FRS2: variants seen among roughly 807,000 people sequenced by gnomAD.
FRS2 encodes FGFR signalling adaptor.
In FRS2, 8 loss-of-function variants were observed where a neutral mutation model predicts 43.9. That is an observed-to-expected ratio of 0.18 (90% CI 0.11 to 0.33). The LOEUF is 0.33. Among genes scored for constraint, FRS2 ranks in the 10% least tolerant of loss-of-function variants. FRS2 has a pLI of 1.00. For synonymous variants in FRS2, 219 were observed against 220.3 expected, an observed-to-expected ratio of 0.99 and a Z score of 0.05; for missense variants, 534 against 627.6, an observed-to-expected ratio of 0.85 and a Z score of 1.59.
At chr12:69,517,982 T>A (rs1875226805) in intron 1 of FRS2, among the ~76,000 whole-genome samples, 2 of 152,200 alleles carry the variant, frequency 1.3e-5, no homozygotes, top group Non-Finnish European at 2.9e-5. Flanking sequence ...TATATTGCAT[T>A]TATATATAAA....
At chr12:69,529,526 A>G (rs1388767041) in intron 1 of FRS2, among the ~76,000 whole-genome samples, 2 of 151,810 alleles carry the variant, frequency 1.3e-5, no homozygotes, top group South Asian at 4.1e-4. Context: ...CGGGAGGCTA[A>G]GACAGAATCA....
At chr12:69,543,643 T>A (rs1441655204) in intron 3 of FRS2, among the ~76,000 whole-genome samples, 1 of 152,220 alleles carries the variant, frequency 6.6e-6, no homozygotes, top group Non-Finnish European at 1.5e-5. Flanking sequence ...TGTAGTGTGC[T>A]CAGGAAAATT....
intron 3 of FRS2, among the ~76,000 whole-genome samples, chr12:69,533,772 A>G (rs765678674): frequency 7.9e-5 from 12 of 152,188 alleles, no homozygotes; most frequent in Non-Finnish European, 2.9e-5. Context: ...TTCAGAATAT[A>G]GTAATCCCCT....
At chr12:69,486,993 G>A (rs1208662734) in intron 1 of FRS2, among the ~76,000 whole-genome samples, 1 of 152,240 alleles carries the variant, frequency 6.6e-6, no homozygotes, top group African/African-American at 2.4e-5. Flanking sequence ...TGCTGATGCA[G>A]AAGCTGCAGC....
chr12:69,512,740 G>C (rs496673), intron 1 of FRS2, among the ~76,000 whole-genome samples: 120,695 of 152,174 alleles, frequency 0.79, 48,808 homozygotes, highest in African/African-American at 0.94. Context: ...TAGAAATGAA[G>C]TTATAGACAC....
intron 1 of FRS2, among the ~76,000 whole-genome samples, chr12:69,476,853 C>A (rs1003634895): frequency 6.6e-5 from 10 of 151,888 alleles, no homozygotes; most frequent in African/African-American, 2.4e-4. Flanking sequence ...TTTTTGGTTG[C>A]GTAATTTTAA....
chr12:69,472,744 G>A (rs1870427477), intron 1 of FRS2, among the ~76,000 whole-genome samples: 1 of 152,114 alleles, frequency 6.6e-6, no homozygotes, highest in Non-Finnish European at 1.5e-5. Context: ...GCAAATAAAG[G>A]TATAGCCATA....
At chr12:69,536,878 G>A (rs1194967622) in intron 3 of FRS2, among the ~76,000 whole-genome samples, 3 of 151,930 alleles carry the variant, frequency 2.0e-5, no homozygotes, top group Admixed American at 1.3e-4. Context: ...TCTGATTTAC[G>A]TGTATTTCTG....
chr12:69,567,593 C>A (rs937351621), intron 4 of FRS2, among the ~76,000 whole-genome samples: 1 of 152,150 alleles, frequency 6.6e-6, no homozygotes, highest in African/African-American at 2.4e-5. Flanking sequence ...GTGATAGATG[C>A]TATGATACTA....
In FRS2 at chr12:69,481,631, A is replaced by G. The variant is rs530084776; in HGVS notation, c.-261+11101A>G. ...ACGGTACTTTACACTTTACATTCCC[A>G]TTTTGGTAATTTGATCACATATTTT... On this transcript the variant is annotated intron_variant, in intron 1 of 8. Coordinates refer to ENST00000549921, the MANE Select transcript of FRS2 (RefSeq NM_001278356.2). Among the ~76,000 whole-genome samples, 20 of 152,194 alleles carry G rather than the reference A, an allele frequency of 1.3e-4. No homozygotes were observed. The South Asian group carries it at 4.1e-3, about 32-fold the overall frequency.
At chr12:69,484,860 A>G (rs1190925771) in intron 1 of FRS2, among the ~76,000 whole-genome samples, 1 of 152,184 alleles carries the variant, frequency 6.6e-6, no homozygotes, top group Non-Finnish European at 1.5e-5. Context: ...ACAAAACAAC[A>G]AGAAAATTGT....
rs558386581 is a variant in FRS2, at chr12:69,478,585, C to T, written c.-261+8055C>T. ...TAAGTATTTGTTGAATGAAATAATT[C>T]ATCTTTTTCTTTGAATTTTGAAGAC... On this transcript the variant is annotated intron_variant, in intron 1 of 8. Transcript: ENST00000549921. Among the ~76,000 whole-genome samples the T allele has an allele frequency of 4.6e-5, 7 of 152,188 alleles. No individual in the cohort carries two copies. In the East Asian group the frequency reaches 1.2e-3, roughly 25 times the overall value.
intron 1 of FRS2, among the ~76,000 whole-genome samples, chr12:69,477,889 C>T (rs997601528): frequency 2.0e-5 from 3 of 151,226 alleles, no homozygotes; most frequent in African/African-American, 7.3e-5. Flanking sequence ...TACAGGCGCC[C>T]ACCACCACGC....
At chr12:69,517,269 A>T (rs571803822) in intron 1 of FRS2, among the ~76,000 whole-genome samples, 1 of 152,322 alleles carries the variant, frequency 6.6e-6, no homozygotes, top group South Asian at 2.1e-4. Context: ...AAATTATTTA[A>T]AATGTTGTAT....
At chr12:69,487,913 A>G (rs1219116018) in intron 1 of FRS2, among the ~76,000 whole-genome samples, 2 of 152,210 alleles carry the variant, frequency 1.3e-5, no homozygotes, top group East Asian at 1.9e-4. Flanking sequence ...GTAACAGCAT[A>G]TATGGTGAAC....
At chr12:69,541,688 G>A (rs892132392) in intron 3 of FRS2, among the ~76,000 whole-genome samples, 2 of 151,932 alleles carry the variant, frequency 1.3e-5, no homozygotes, top group African/African-American at 4.8e-5. Flanking sequence ...AGCCACATGC[G>A]GTGGCATATG....
At chr12:69,499,148 T>C (rs1188305416) in intron 1 of FRS2, among the ~76,000 whole-genome samples, 1 of 151,150 alleles carries the variant, frequency 6.6e-6, no homozygotes, top group Non-Finnish European at 1.5e-5. Flanking sequence ...CTTATGATTA[T>C]AGTCAATAGG....
chr12:69,574,027 C>T lies in FRS2; in HGVS notation c.599C>T (p.Thr200Ile). Residue 200 changes from threonine to isoleucine, a missense_variant, in exon 9 of 9, where the codon ACA becomes ATA. This residue lies in a region of FRS2 where 446 missense variants were observed against 494.2 expected (regional missense o/e 0.90). Coordinates refer to ENST00000549921, the MANE Select transcript of FRS2 (RefSeq NM_001278356.2). ...EEQVHTYVNT[T>I]GVQEERKNRT... ...TAGGTACATACCTATGTCAACACTA[C>T]AGGTGTGCAAGAAGAGCGGAAAAAC... 1 of 1,612,622 alleles carries T rather than the reference C, an allele frequency of 6.2e-7. No individual in the cohort carries two copies. Among genetic ancestry groups the T allele is most frequent in the Non-Finnish European group, 8.5e-7 (1 of 1,179,194 alleles).
intron 1 of FRS2, among the ~76,000 whole-genome samples, chr12:69,494,597 AGAATGTTTAATAACATCCCT>A (rs1227957054): frequency 1.3e-5 from 2 of 152,324 alleles, no homozygotes; most frequent in African/African-American, 4.8e-5. Context: ...TATGCATTGT[AGAATGTTTAATAACATCCCT>A]GGCTCTACCT....
Sources: allele counts gnomAD v4.1 joint callset (sites outside exome capture counted in the v4.1 genomes callset), GRCh38; gene constraint gnomAD v4.1.1; regional missense constraint gnomAD v4.1.1; transcripts MANE v1.5; gene names NCBI Gene and HGNC (gene_info 2026-07-23, HGNC 2026-07-21).